SUMF1: variants seen among roughly 807,000 people sequenced by gnomAD.
SUMF1 encodes the protein sulfatase modifying factor 1.
A neutral mutation model predicts 47.6 loss-of-function variants in SUMF1; 48 were observed. The observed-to-expected ratio is 1.01, with a 90% confidence interval of 0.80 to 1.28. The LOEUF is 1.28. Ranked by LOEUF, SUMF1 falls within the 50% of genes most tolerant of loss-of-function variation. The probability of loss-of-function intolerance (pLI) is 0.00; values close to 1 mark genes in which losing one functional copy is unlikely to be tolerated. For missense variants in SUMF1, 571 were observed against 485.4 expected (o/e 1.18, Z -1.66); for synonymous variants, 230 against 192.1 (o/e 1.20, Z -1.63).
chr3:4,213,704 G>A (rs1007029307), intron 8 of SUMF1, among the ~76,000 whole-genome samples: 7 of 152,090 alleles, frequency 4.6e-5, no homozygotes, highest in Non-Finnish European at 8.8e-5. Context: ...CAAAATAAAG[G>A]GATGGAGGAA....
At chr3:4,115,582 T>A (rs553094024) in intron 8 of SUMF1, among the ~76,000 whole-genome samples, 1 of 152,140 alleles carries the variant, frequency 6.6e-6, no homozygotes, top group Non-Finnish European at 1.5e-5. Flanking sequence ...GTATGATGCA[T>A]GTTCCTCCGA....
chr3:4,227,238 A>G (rs1395646256), intron 8 of SUMF1, among the ~76,000 whole-genome samples: 3 of 152,116 alleles, frequency 2.0e-5, no homozygotes, highest in African/African-American at 7.2e-5. Flanking sequence ...CAAGTCATTC[A>G]TTCCACACAT....
At chr3:4,073,226 A>T (rs141977216) in intron 8 of SUMF1, among the ~76,000 whole-genome samples, 1 of 152,320 alleles carries the variant, frequency 6.6e-6, no homozygotes, top group East Asian at 1.9e-4. Flanking sequence ...TTTCATATCC[A>T]GCCAAACTAA....
chr3:4,355,357 A>C (rs966154829), intron 8 of SUMF1, among the ~76,000 whole-genome samples: 6 of 152,220 alleles, frequency 3.9e-5, no homozygotes, highest in East Asian at 1.9e-4. Flanking sequence ...ATTCTGTCTC[A>C]GAAAAATAAA....
chr3:4,203,715 C>T (rs1245503765), intron 8 of SUMF1, among the ~76,000 whole-genome samples: 1 of 151,542 alleles, frequency 6.6e-6, no homozygotes, highest in East Asian at 1.9e-4. Context: ...TTTCTCTGGT[C>T]ATGTATTTTA....
chr3:4,134,294 A>G (rs1410072016), intron 8 of SUMF1, among the ~76,000 whole-genome samples: 3 of 152,180 alleles, frequency 2.0e-5, no homozygotes, highest in East Asian at 3.8e-4. Flanking sequence ...CAATCAAACT[A>G]GAACTCAGGA....
At chr3:4,066,213 C>CA (rs1238715333) in intron 9 of SUMF1, among the ~76,000 whole-genome samples, 2 of 151,500 alleles carry the variant, frequency 1.3e-5, no homozygotes, top group African/African-American at 2.4e-5. Context: ...TCAAAAATTG[C>CA]AAAAATGCCA....
chr3:4,411,769 T>C (rs998897789), intron 6 of SUMF1, among the ~76,000 whole-genome samples: 4 of 150,968 alleles, frequency 2.6e-5, no homozygotes, highest in Admixed American at 6.6e-5. Flanking sequence ...GCTGGCTTAA[T>C]GGCTTAACAT....
At chr3:4,420,765 T>C (rs894141531) in intron 3 of SUMF1, among the ~76,000 whole-genome samples, 4 of 152,106 alleles carry the variant, frequency 2.6e-5, no homozygotes, top group Non-Finnish European at 4.4e-5. Context: ...AGACAGGTAG[T>C]GCTGCTCCTA....
chr3:4,278,378 C>T (rs961802872), intron 8 of SUMF1, among the ~76,000 whole-genome samples: 8 of 151,910 alleles, frequency 5.3e-5, no homozygotes, highest in African/African-American at 1.9e-4. Flanking sequence ...AACCTATTAC[C>T]TTTAATGAAA....
At chr3:4,413,705 CTG>C (rs756284215) in intron 6 of SUMF1, among the ~76,000 whole-genome samples, 1 of 151,894 alleles carries the variant, frequency 6.6e-6, no homozygotes, top group Non-Finnish European at 1.5e-5. Flanking sequence ...TTTAGTCTCA[CTG>C]TGGTCAAAAT....
At chr3:4,055,547 A>T (rs1695176430) in intron 9 of SUMF1, among the ~76,000 whole-genome samples, 1 of 152,108 alleles carries the variant, frequency 6.6e-6, no homozygotes, top group African/African-American at 2.4e-5. Context: ...CAATAGAGTG[A>T]TCATAGCTCA....
intron 8 of SUMF1, among the ~76,000 whole-genome samples, chr3:4,146,370 A>T (rs1264869140): frequency 6.6e-6 from 1 of 151,030 alleles, no homozygotes; most frequent in Non-Finnish European, 1.5e-5. Context: ...CTAAAAAAAG[A>T]TGGAGAGTGA....
intron 8 of SUMF1, among the ~76,000 whole-genome samples, chr3:4,204,085 C>T (rs959330904): frequency 1.3e-5 from 2 of 151,856 alleles, no homozygotes; most frequent in Non-Finnish European, 2.9e-5. Context: ...AGTTTTGTGC[C>T]TTCAGATGAT....
intron 8 of SUMF1, among the ~76,000 whole-genome samples, chr3:4,236,578 AC>A (rs35856270): frequency 0.58 from 87,769 of 151,774 alleles, 25,787 homozygotes; most frequent in African/African-American, 0.63. Context: ...ACATAGTGAG[AC>A]CCCCCATCTC....
chr3:4,278,793 G>A (rs897495036), intron 8 of SUMF1, among the ~76,000 whole-genome samples: 5 of 151,974 alleles, frequency 3.3e-5, no homozygotes, highest in South Asian at 2.1e-4. Flanking sequence ...AAGAAACCCC[G>A]GGTTCACTTT....
At chr3:4,236,982 A>C (rs961766838) in intron 8 of SUMF1, among the ~76,000 whole-genome samples, 1 of 152,124 alleles carries the variant, frequency 6.6e-6, no homozygotes, top group Non-Finnish European at 1.5e-5. Flanking sequence ...CATATAATAG[A>C]AATTATACTG....
At chr3:4,458,123 G>GA (rs747177243) in intron 1 of SUMF1, among the ~76,000 whole-genome samples, 93 of 152,158 alleles carry the variant, frequency 6.1e-4, no homozygotes, top group Middle Eastern at 3.4e-3. Context: ...ACAGATATAA[G>GA]AAAAAATGCT....
intron 8 of SUMF1, among the ~76,000 whole-genome samples, chr3:4,159,908 G>T (rs1347732027): frequency 6.6e-6 from 1 of 152,068 alleles, no homozygotes; most frequent in Non-Finnish European, 1.5e-5. Flanking sequence ...AGTTTCCACT[G>T]AAAAGTCTGC....
Sources: allele counts gnomAD v4.1 joint callset (sites outside exome capture counted in the v4.1 genomes callset), GRCh38; gene constraint gnomAD v4.1.1; transcripts MANE v1.5; gene names NCBI Gene and HGNC (gene_info 2026-07-23, HGNC 2026-07-21).